The following PALMD variants were observed in gnomAD, a reference collection of about 807,000 sequenced individuals.
PALMD encodes paralemmin-like protein.
A neutral mutation model predicts 56.2 loss-of-function variants in PALMD; 42 were observed. The ratio of observed to expected loss-of-function variants is 0.75; its 90% CI spans 0.58 to 0.97. The LOEUF is 0.97. PALMD is among the 50% of genes least tolerant of loss of function. The probability of loss-of-function intolerance (pLI) is 0.00; values close to 1 mark genes in which losing one functional copy is unlikely to be tolerated. For synonymous variants in PALMD, 242 were observed against 222.9 expected, an observed-to-expected ratio of 1.09 and a Z score of -0.76; for missense variants, 660 against 643.8, an observed-to-expected ratio of 1.03 and a Z score of -0.27.
At chr1:99,672,152 G>A (rs565442453) in intron 3 of PALMD, among the ~76,000 whole-genome samples, 5 of 152,164 alleles carry the variant, frequency 3.3e-5, no homozygotes, top group African/African-American at 7.2e-5. Context: ...TCATCCTGTC[G>A]TTGTCTCCTC....
chr1:99,694,145 T>C lies in PALMD; in HGVS notation c.*83T>C. The stretch of plus-strand genomic sequence containing the variant: ...TTTCTCTTCTGGATATTTTGTTTAT[T>C]TTTTCTGAAGTCCAAAAAATTATCA... On this transcript the variant is annotated 3_prime_UTR_variant, in exon 8 of 8. Transcript: ENST00000263174. The C allele has an allele frequency of 1.0e-6, 1 of 996,014 alleles. No individual in the cohort carries two copies. The highest frequency in any genetic ancestry group is 1.5e-5 in the South Asian group (1 of 66,224). 61.7% of individuals were successfully genotyped at this position (996,014 alleles called of 1,614,324 possible).
chr1:99,672,777 T>C (rs1653114721), intron 3 of PALMD, among the ~76,000 whole-genome samples: 2 of 152,344 alleles, frequency 1.3e-5, no homozygotes, highest in South Asian at 2.1e-4. Context: ...AAAGGTCAAC[T>C]GCCGAGGAGA....
At chr1:99,648,128 A>G (rs1265123670) in intron 1 of PALMD, among the ~76,000 whole-genome samples, 1 of 152,220 alleles carries the variant, frequency 6.6e-6, no homozygotes, top group Non-Finnish European at 1.5e-5. Flanking sequence ...GATTAAACAA[A>G]TCTCCCAAGT....
chr1:99,690,867 A>C (rs189243849), intron 7 of PALMD, among the ~76,000 whole-genome samples: 190 of 152,288 alleles, frequency 1.2e-3, no homozygotes, highest in African/African-American at 4.2e-3. Context: ...TGATAATTCT[A>C]TGGCAGTGTG....
Position 99,649,034 on chromosome 1 carries a change from C to G in PALMD, c.45+2672C>G, listed in dbSNP as rs145441376. Reference sequence around the variant, plus strand: ...GAATTTTAGATTAGTCAGATGTCTTCTCAAAGATTTAAAGAGAATAAGAGC... The same window carrying G: ...GAATTTTAGATTAGTCAGATGTCTTGTCAAAGATTTAAAGAGAATAAGAGC... On this transcript the variant is annotated intron_variant, in intron 1 of 7. Coordinates refer to ENST00000263174, the MANE Select transcript of PALMD (RefSeq NM_017734.5). Among the ~76,000 whole-genome samples the G allele has an allele frequency of 5.8e-3, 883 of 152,206 alleles. 15 individuals carry two copies. The highest frequency in any genetic ancestry group is 0.01 in the Middle Eastern group (3 of 292).
intron 3 of PALMD, among the ~76,000 whole-genome samples, chr1:99,676,608 A>G (rs1653219732): frequency 6.6e-6 from 1 of 151,992 alleles, no homozygotes; most frequent in Admixed American, 6.6e-5. Context: ...TATACACATT[A>G]CTTCATACCC....
chr1:99,686,447 C>T, intron 3 of PALMD: 1 of 311,992 alleles, frequency 3.2e-6, no homozygotes, highest in Non-Finnish European at 5.8e-6. Context: ...TAATATATTC[C>T]TTTGTCAAAA....
intron 3 of PALMD, chr1:99,684,848 G>C (rs1416812412): frequency 6.6e-6 from 1 of 152,234 alleles, no homozygotes; most frequent in Non-Finnish European, 1.5e-5. Context: ...CAGGTGACTT[G>C]TCTAAGGTCA....
intron 3 of PALMD, among the ~76,000 whole-genome samples, chr1:99,676,237 A>T (rs1427774635): frequency 6.6e-6 from 1 of 152,196 alleles, no homozygotes; most frequent in African/African-American, 2.4e-5. Context: ...AGTAGGCTAG[A>T]TCTTCCTTAT....
At chr1:99,690,143 G>A in intron 7 of PALMD, 1 of 448,924 alleles carries the variant, frequency 2.2e-6, no homozygotes, top group Non-Finnish European at 3.9e-6. Context: ...TCATGGTATG[G>A]TGCTGCTTGT....
rs1210974217 is a variant in PALMD at position 99,689,259 on chromosome 1, T to A, written c.999T>A (p.Ile333=). Residue 333 remains isoleucine (I), a synonymous_variant, in exon 7 of 8, where the codon ATT becomes ATA. Transcript: ENST00000263174. ...IPPVPHPRSV[I]QQAEEKLHTP... is the part of the protein sequence containing the mutation. ...CAGTGCCTCATCCCCGATCAGTGAT[T>A]CAACAAGCAGAAGAGAAGCTTCACA... is the stretch of plus-strand genomic sequence containing the variant. 1 of 1,613,458 alleles carries A rather than the reference T, an allele frequency of 6.2e-7. No individual in the cohort carries two copies. Among genetic ancestry groups the A allele is most frequent in the East Asian group, 2.2e-5 (1 of 44,830 alleles).
intron 7 of PALMD, among the ~76,000 whole-genome samples, chr1:99,691,089 T>C (rs982488978): frequency 6.6e-5 from 10 of 152,170 alleles, no homozygotes; most frequent in African/African-American, 2.2e-4. Flanking sequence ...CAATCAGAGT[T>C]GAGTGATATG....
At chr1:99,666,897 G>A (rs1213060134) in intron 2 of PALMD, among the ~76,000 whole-genome samples, 1 of 152,130 alleles carries the variant, frequency 6.6e-6, no homozygotes, top group Non-Finnish European at 1.5e-5. Flanking sequence ...TTCAAGAGGA[G>A]TTTTTGTTTT....
intron 1 of PALMD, among the ~76,000 whole-genome samples, chr1:99,655,940 A>G (rs1652715007): frequency 3.1e-5 from 1 of 31,962 alleles, no homozygotes; most frequent in African/African-American, 1.1e-4. Flanking sequence ...ACACGCACAC[A>G]CACACACATG....
At chr1:99,691,739 G>T (rs1236869037) in intron 7 of PALMD, among the ~76,000 whole-genome samples, 1 of 151,966 alleles carries the variant, frequency 6.6e-6, no homozygotes, top group Non-Finnish European at 1.5e-5. Flanking sequence ...CCCAAAAAAC[G>T]CTTATGATAC....
chr1:99,689,686 G>A lies in PALMD; in HGVS notation c.1426G>A (p.Ala476Thr), dbSNP rs1224668383. Reference sequence around the variant, plus strand: ...TCCCCATAGTCAGGTGTACCAGCCAGCCAAACCAACACCACTTCCTAGAAA... The same window carrying A: ...TCCCCATAGTCAGGTGTACCAGCCAACCAAACCAACACCACTTCCTAGAAA... ...IAPHSQVYQP[A>T]KPTPLPRKRS... The change falls in exon 7 of 8, where the codon GCC (alanine) becomes ACC (threonine). Residue 476 changes from alanine (A) to threonine (T), a missense_variant. Transcript: ENST00000263174. 2.5e-6 allele frequency: 4 copies of A among 1,613,662 alleles called. No homozygotes were observed. Among genetic ancestry groups the A allele is most frequent in the Admixed American group, 3.3e-5 (2 of 59,904 alleles).
At chr1:99,683,124 A>G (rs150488454) in intron 3 of PALMD, 1 of 122,752 alleles carries the variant, frequency 8.1e-6, no homozygotes, top group South Asian at 2.5e-4. Flanking sequence ...GAAAGAAAGA[A>G]AGAAAGAAAG....
At chr1:99,658,911 A>G (rs1175891992) in intron 1 of PALMD, among the ~76,000 whole-genome samples, 2 of 151,814 alleles carry the variant, frequency 1.3e-5, no homozygotes, top group East Asian at 3.9e-4. Context: ...ATGCCACTGC[A>G]CTCCAGCCTC....
intron 7 of PALMD, 188 bp downstream of exon 7, chr1:99,690,060 G>T: frequency 3.9e-6 from 2 of 517,672 alleles, no homozygotes; most frequent in South Asian, 7.9e-5. Flanking sequence ...AAAAGATAAA[G>T]AAAGTAAAAA....
Sources: gnomAD v4.1 joint callset for allele counts (sites outside exome capture counted in the v4.1 genomes callset) on GRCh38, gnomAD v4.1.1 for gene constraint, MANE v1.5 for transcripts, NCBI Gene and HGNC (gene_info 2026-07-23, HGNC 2026-07-21) for gene names.